RBM47: variants seen among roughly 807,000 people sequenced by gnomAD.
The protein encoded by RBM47 is RNA-binding protein 47.
Under a neutral mutation model 47.1 loss-of-function variants are expected in RBM47, and 21 were observed. The observed-to-expected ratio is 0.45, with a 90% CI of 0.32 to 0.64. The LOEUF is 0.64. Among genes scored for constraint, RBM47 ranks in the 30% least tolerant of loss-of-function variants. RBM47 has a pLI of 0.05. For synonymous variants in RBM47, 375 were observed against 361.7 expected, an observed-to-expected ratio of 1.04 and a Z score of -0.42; for missense variants, 708 against 870.9, an observed-to-expected ratio of 0.81 and a Z score of 2.35.
chr4:40,606,185 G>A (rs1192769482), intron 1 of RBM47, among the ~76,000 whole-genome samples: 4 of 149,534 alleles, frequency 2.7e-5, no homozygotes, highest in African/African-American at 9.8e-5. Context: ...GTGACACAGT[G>A]AGACGTCATC....
intron 4 of RBM47, 75 bp downstream of exon 4, chr4:40,437,696 A>G: frequency 1.4e-6 from 2 of 1,424,020 alleles, no homozygotes; most frequent in Admixed American, 2.1e-5. Flanking sequence ...AATGCCAGCC[A>G]CGGTATCCCT....
intron 3 of RBM47, among the ~76,000 whole-genome samples, chr4:40,457,277 C>T (rs1220425745): frequency 6.6e-6 from 1 of 151,496 alleles, no homozygotes; most frequent in South Asian, 2.1e-4. Context: ...AAAAATTAGC[C>T]GGGCGTGGTG....
intron 1 of RBM47, among the ~76,000 whole-genome samples, chr4:40,602,363 A>C (rs937445694): frequency 6.6e-6 from 1 of 151,206 alleles, no homozygotes; most frequent in African/African-American, 2.4e-5. Context: ...AAAACGTAGA[A>C]TATCGGCCGG....
intron 2 of RBM47, among the ~76,000 whole-genome samples, chr4:40,478,393 C>T (rs573844980): frequency 2.0e-5 from 3 of 152,230 alleles, no homozygotes; most frequent in South Asian, 4.1e-4. Context: ...TTTTACAAAG[C>T]ATCTTTGATT....
intron 1 of RBM47, among the ~76,000 whole-genome samples, chr4:40,576,853 CTGA>C (rs57120394): frequency 8.1e-4 from 123 of 152,046 alleles, no homozygotes; most frequent in African/African-American, 2.5e-3. Flanking sequence ...CACAGAAATC[CTGA>C]TGATGATGAT....
chr4:40,583,400 A>G (rs1235851548), intron 1 of RBM47, among the ~76,000 whole-genome samples: 10 of 149,920 alleles, frequency 6.7e-5, no homozygotes, highest in Middle Eastern at 3.4e-3. Flanking sequence ...AAAAAAAAAA[A>G]AAAAAAAAAA....
At chr4:40,448,577 G>A (rs1469946401) in intron 3 of RBM47, among the ~76,000 whole-genome samples, 1 of 152,088 alleles carries the variant, frequency 6.6e-6, no homozygotes, top group Admixed American at 6.6e-5. Flanking sequence ...CACACACAAT[G>A]CACATAAGAG....
intron 2 of RBM47, among the ~76,000 whole-genome samples, chr4:40,494,142 T>C (rs1722263938): frequency 1.3e-5 from 2 of 152,122 alleles, no homozygotes; most frequent in Non-Finnish European, 2.9e-5. Context: ...AAAATTGAAC[T>C]TACAACAAGT....
chr4:40,570,958 G>T (rs1731646958), intron 1 of RBM47, among the ~76,000 whole-genome samples: 1 of 152,054 alleles, frequency 6.6e-6, no homozygotes, highest in African/African-American at 2.4e-5. Flanking sequence ...GCTCACGCCT[G>T]TATTCCCAGC....
chr4:40,597,539 G>A (rs1036765025), intron 1 of RBM47, among the ~76,000 whole-genome samples: 3 of 152,098 alleles, frequency 2.0e-5, no homozygotes, highest in Admixed American at 6.6e-5. Context: ...GCGAGATCAC[G>A]CCACTGCACT....
At chr4:40,448,745 C>T (rs571671997) in intron 3 of RBM47, among the ~76,000 whole-genome samples, 9 of 152,210 alleles carry the variant, frequency 5.9e-5, no homozygotes, top group African/African-American at 2.2e-4. Context: ...GTGTGGCACA[C>T]AATTTGTTTA....
At chr4:40,481,984 C>G (rs1720498147) in intron 2 of RBM47, among the ~76,000 whole-genome samples, 1 of 152,172 alleles carries the variant, frequency 6.6e-6, no homozygotes, top group East Asian at 1.9e-4. Flanking sequence ...CTGCGCCCGG[C>G]CATGATGTGG....
rs185194951 is a variant in RBM47 at position 40,588,531 on chromosome 4, T to C, written c.-240+40865A>G. ...ACGAAATTATGGACAGCATAAAAGA[T>C]TTGATTTCTGAAATTCACACAGCAG... On this transcript the variant is annotated intron_variant, in intron 1 of 6. Coordinates refer to ENST00000295971, the MANE Select transcript of RBM47 (RefSeq NM_001098634.2). Among the ~76,000 whole-genome samples the C allele has an allele frequency of 2.9e-3, 448 of 152,220 alleles. 2 individuals are homozygous for C. Among genetic ancestry groups the C allele is most frequent in the Non-Finnish European group, 5.2e-3 (352 of 68,008 alleles).
At chr4:40,531,755 G>C (rs917858119) in intron 2 of RBM47, among the ~76,000 whole-genome samples, 7 of 152,182 alleles carry the variant, frequency 4.6e-5, no homozygotes, top group African/African-American at 7.2e-5. Flanking sequence ...ATGACATTTT[G>C]ATGTGGTTTC....
chr4:40,464,749 G>A (rs1489067632), intron 3 of RBM47, among the ~76,000 whole-genome samples: 1 of 151,616 alleles, frequency 6.6e-6, no homozygotes, highest in African/African-American at 2.4e-5. Flanking sequence ...AAATTAGCCG[G>A]GTACAGTGGC....
At chr4:40,580,939 AC>A (rs1446922277) in intron 1 of RBM47, among the ~76,000 whole-genome samples, 1 of 152,102 alleles carries the variant, frequency 6.6e-6, no homozygotes, top group African/African-American at 2.4e-5. Flanking sequence ...CTAGGCACAA[AC>A]AAGGGCAAAC....
At chr4:40,445,103 T>G (rs1577649022) in intron 3 of RBM47, among the ~76,000 whole-genome samples, 1 of 151,972 alleles carries the variant, frequency 6.6e-6, no homozygotes, top group African/African-American at 2.4e-5. Context: ...TGAAACCCCA[T>G]CTCTACTAAA....
At position 40,424,679 on chromosome 4, in the gene RBM47, CATA is replaced by C. The variant is rs1714778146; in HGVS notation, c.*1222_*1224del. The stretch of plus-strand genomic sequence containing the variant: ...AAGGAAGAGAGGCCCATTTAATAAA[CATA>C]ATGTTTCCAACACCCTTGAGGACCA... On this transcript the variant is annotated 3_prime_UTR_variant, in exon 7 of 7. Coordinates refer to ENST00000295971, the MANE Select transcript of RBM47 (RefSeq NM_001098634.2). 6.6e-6 allele frequency: 1 copy of C among 152,122 alleles called. No homozygotes were observed. 9.4% of individuals were successfully genotyped at this position (152,122 alleles called of 1,614,324 possible).
chr4:40,528,608 T>C (rs935774778), intron 2 of RBM47, among the ~76,000 whole-genome samples: 1 of 150,414 alleles, frequency 6.6e-6, no homozygotes, highest in Non-Finnish European at 1.5e-5. Context: ...CTACTAAAAA[T>C]ACAAACCCTA....
Sources: allele counts gnomAD v4.1 joint callset (sites outside exome capture counted in the v4.1 genomes callset), GRCh38; gene constraint gnomAD v4.1.1; transcripts MANE v1.5; gene names NCBI Gene and HGNC (gene_info 2026-07-23, HGNC 2026-07-21).